The following LHPP variants were observed in gnomAD, a reference collection of about 807,000 sequenced individuals.
The protein encoded by LHPP is phospholysine phosphohistidine inorganic pyrophosphate phosphatase, also known as hLHPP.
LHPP carries 24 observed loss-of-function variants against 30.3 expected under a neutral mutation model. The ratio of observed to expected loss-of-function variants is 0.79; its 90% CI spans 0.57 to 1.11. The LOEUF (loss-of-function observed/expected upper bound fraction) is 1.11. Ranked by LOEUF, LHPP falls within the 50% of genes most tolerant of loss-of-function variation. The pLI, the probability that LHPP is intolerant of heterozygous loss-of-function variation, is 0.00. For missense variants in LHPP, 356 were observed against 367.2 expected (o/e 0.97, Z 0.25); for synonymous variants, 150 against 157.1 (o/e 0.95, Z 0.34).
intron 6 of LHPP, among the ~76,000 whole-genome samples, chr10:124,573,861 G>A (rs1272530921): frequency 1.3e-5 from 2 of 152,086 alleles, no homozygotes; most frequent in Non-Finnish European, 2.9e-5. Flanking sequence ...GGGCTGTGGG[G>A]GGATGCAGCT....
At chr10:124,598,605 G>T (rs1034874156) in intron 6 of LHPP, among the ~76,000 whole-genome samples, 1 of 150,804 alleles carries the variant, frequency 6.6e-6, no homozygotes, top group Non-Finnish European at 1.5e-5. Flanking sequence ...ACGAGGAATT[G>T]CTGGGAGCGG....
At chr10:124,516,004 G>A (rs1589819842) in intron 5 of LHPP, among the ~76,000 whole-genome samples, 1 of 152,202 alleles carries the variant, frequency 6.6e-6, no homozygotes, top group East Asian at 1.9e-4. Flanking sequence ...CTCTGCTCCT[G>A]GGTCTCCCCA....
intron 6 of LHPP, among the ~76,000 whole-genome samples, chr10:124,547,496 A>G (rs1463539973): frequency 6.6e-6 from 1 of 152,222 alleles, no homozygotes; most frequent in Non-Finnish European, 1.5e-5. Context: ...AGGTGTGAGC[A>G]TGCAAATAGG....
chr10:124,553,848 T>A, intron 6 of LHPP: 4 of 976,294 alleles, frequency 4.1e-6, no homozygotes, highest in African/African-American at 1.7e-5. Flanking sequence ...GCCCCTCCTC[T>A]GTCTGCAGAA....
At chr10:124,489,182 A>G (rs750160028) in intron 3 of LHPP, among the ~76,000 whole-genome samples, 1 of 152,248 alleles carries the variant, frequency 6.6e-6, no homozygotes, top group Non-Finnish European at 1.5e-5. Flanking sequence ...AAGAAAAATT[A>G]GACAATACAG....
At chr10:124,610,174 G>C (rs759733910) in intron 6 of LHPP, among the ~76,000 whole-genome samples, 3 of 152,216 alleles carry the variant, frequency 2.0e-5, no homozygotes, top group Admixed American at 2.0e-4. Context: ...GCAGGATCAC[G>C]CATGTCTTCA....
intron 6 of LHPP, among the ~76,000 whole-genome samples, chr10:124,544,585 T>C (rs140176134): frequency 1.4e-3 from 207 of 152,300 alleles, no homozygotes; most frequent in African/African-American, 4.7e-3. Context: ...GGGCCAACAG[T>C]CTCACCCTGC....
At position 124,596,864 on chromosome 10, in the gene LHPP, G is replaced by A. The variant is rs1263199037; in HGVS notation, c.717-16400G>A. 6.6e-6 allele frequency among the ~76,000 whole-genome samples: 1 copy of A among 152,210 alleles called. No individual in the cohort carries two copies. On this transcript the variant is annotated intron_variant, in intron 6 of 6. Coordinates refer to ENST00000368842, the MANE Select transcript of LHPP (RefSeq NM_022126.4). This position sits in a 1 kb window ranked among gnomAD's most constrained non-coding sequence, Gnocchi z 4.6. ...GATGGCTGGTAAAGTTTTGTTTCTGGCTGGTTAAGTGTGTCTGTGAGGGTG... is the reference window on the plus strand; with the variant it reads ...GATGGCTGGTAAAGTTTTGTTTCTGACTGGTTAAGTGTGTCTGTGAGGGTG...
intron 5 of LHPP, among the ~76,000 whole-genome samples, chr10:124,504,912 G>A (rs1000975640): frequency 3.3e-5 from 5 of 152,244 alleles, no homozygotes; most frequent in South Asian, 2.1e-4. Flanking sequence ...GGGAGGGAGC[G>A]GGGCTGTGGA....
intron 6 of LHPP, among the ~76,000 whole-genome samples, chr10:124,563,310 T>TTC (rs1292080902): frequency 2.1e-3 from 198 of 93,546 alleles, no homozygotes; most frequent in South Asian, 4.2e-3. Context: ...TCTCTCTCTT[T>TTC]TTCTTTTTTT....
chr10:124,477,406 G>T (rs1346994944), intron 1 of LHPP, among the ~76,000 whole-genome samples: 3 of 152,194 alleles, frequency 2.0e-5, no homozygotes, highest in African/African-American at 4.8e-5. Context: ...ACCAGGTGAT[G>T]TCTGCAATGT....
Position 124,518,240 on chromosome 10 carries a change from A to G in LHPP, c.716+969A>G, listed in dbSNP as rs116337364. On this transcript the variant is annotated intron_variant, in intron 6 of 6. Transcript: ENST00000368842. ...CCCTCCCAGGCTTCCCCCGACGTGT[A>G]TGACATATGGGCCTTCTTTCTTTCT... Among the ~76,000 whole-genome samples the G allele has an allele frequency of 5.3e-3, 810 of 152,272 alleles. 5 individuals carry two copies. Among genetic ancestry groups the G allele is most frequent in the African/African-American group, 0.019 (780 of 41,560 alleles).
intron 6 of LHPP, among the ~76,000 whole-genome samples, chr10:124,591,086 G>C (rs545531228): frequency 1.9e-4 from 29 of 152,296 alleles, no homozygotes; most frequent in African/African-American, 6.7e-4. Context: ...GAAATAAGCC[G>C]GGGGGAAGGG....
chr10:124,500,979 A>G (rs904469048), intron 5 of LHPP, among the ~76,000 whole-genome samples: 28 of 152,080 alleles, frequency 1.8e-4, no homozygotes, highest in African/African-American at 6.5e-4. Flanking sequence ...CACAATAGCC[A>G]AAAGGTAAAA....
At chr10:124,474,132 CTTTTTTTTTT>C (rs544464876) in intron 1 of LHPP, among the ~76,000 whole-genome samples, 1 of 71,904 alleles carries the variant, frequency 1.4e-5, no homozygotes, top group Admixed American at 2.1e-4. Context: ...TTGCTTTGCC[CTTTTTTTTTT>C]TTTTTTTTTT....
intron 6 of LHPP, among the ~76,000 whole-genome samples, chr10:124,522,234 G>A (rs1333450904): frequency 6.6e-6 from 1 of 152,190 alleles, no homozygotes; most frequent in East Asian, 1.9e-4. Context: ...CCCAGCCAGG[G>A]GGCGGCCCTC....
chr10:124,579,605 G>A (rs1455945264), intron 6 of LHPP, among the ~76,000 whole-genome samples: 2 of 152,196 alleles, frequency 1.3e-5, no homozygotes, highest in Non-Finnish European at 2.9e-5. Flanking sequence ...ATGGTGCTAG[G>A]TGTTCTTCAG....
At chr10:124,564,774 C>CT (rs559988173) in intron 6 of LHPP, among the ~76,000 whole-genome samples, 1 of 152,148 alleles carries the variant, frequency 6.6e-6, no homozygotes. Context: ...CCTCCTATCT[C>CT]TAAGTCCAAT....
intron 6 of LHPP, among the ~76,000 whole-genome samples, chr10:124,552,785 A>G (rs538666366): frequency 3.9e-5 from 6 of 152,268 alleles, no homozygotes; most frequent in Non-Finnish European, 8.8e-5. Context: ...CAACATTTCA[A>G]TAGCCTATCC....
Sources: gnomAD v4.1 joint callset for allele counts (sites outside exome capture counted in the v4.1 genomes callset) on GRCh38, gnomAD v4.1.1 for gene constraint, Gnocchi (gnomAD v3.1) non-coding constraint, MANE v1.5 for transcripts, NCBI Gene and HGNC (gene_info 2026-07-23, HGNC 2026-07-21) for gene names.